LHPP: variants seen among roughly 807,000 people sequenced by gnomAD.
LHPP encodes the protein hLHPP.
LHPP carries 24 observed loss-of-function variants against 30.3 expected under a neutral mutation model. The ratio of observed to expected loss-of-function variants is 0.79; its 90% CI spans 0.57 to 1.11. The LOEUF (loss-of-function observed/expected upper bound fraction) is 1.11. Among genes scored for constraint, LHPP ranks in the 50% most tolerant of loss-of-function variants. The probability of loss-of-function intolerance (pLI) is 0.00; values close to 1 mark genes in which losing one functional copy is unlikely to be tolerated. For synonymous variants in LHPP, 150 were observed against 157.1 expected (o/e 0.95, Z 0.34); for missense variants, 356 against 367.2 (o/e 0.97, Z 0.25).
At chr10:124,530,098 G>C (rs1246161909) in intron 6 of LHPP, among the ~76,000 whole-genome samples, 1 of 152,100 alleles carries the variant, frequency 6.6e-6, no homozygotes. Context: ...GGGGAGGGAG[G>C]AACCTGGTGA....
At chr10:124,572,684 AGGGAGGG>A (rs1398770229) in intron 6 of LHPP, among the ~76,000 whole-genome samples, 6 of 133,970 alleles carry the variant, frequency 4.5e-5, no homozygotes, top group Non-Finnish European at 7.8e-5. Context: ...AAAAGAAGGA[AGGGAGGG>A]AGGAAGGAAG....
chr10:124,495,581 C>G (rs1355758142), intron 3 of LHPP, among the ~76,000 whole-genome samples: 1 of 152,130 alleles, frequency 6.6e-6, no homozygotes, highest in Non-Finnish European at 1.5e-5. Context: ...GCAGGGTGCC[C>G]AGGAGTGGCG....
chr10:124,512,050 G>A (rs978577459), intron 5 of LHPP, among the ~76,000 whole-genome samples: 3 of 152,152 alleles, frequency 2.0e-5, no homozygotes, highest in Admixed American at 6.5e-5. Flanking sequence ...ACAGCCTCCT[G>A]TGTGTTATCC....
chr10:124,538,201 T>TCACCATGC (rs1245099281), intron 6 of LHPP, among the ~76,000 whole-genome samples: 5 of 10,698 alleles, frequency 4.7e-4, no homozygotes, highest in African/African-American at 2.2e-3. Flanking sequence ...GGTCACCATG[T>TCACCATGC]GGGGTCACCA....
At chr10:124,528,193 G>T (rs1954794077) in intron 6 of LHPP, among the ~76,000 whole-genome samples, 1 of 152,140 alleles carries the variant, frequency 6.6e-6, no homozygotes, top group South Asian at 2.1e-4. Context: ...CTCCCGTATG[G>T]CATATTTCCC....
intron 6 of LHPP, among the ~76,000 whole-genome samples, chr10:124,598,735 C>A (rs1170018363): frequency 1.3e-5 from 2 of 151,590 alleles, no homozygotes; most frequent in African/African-American, 4.9e-5. Context: ...ACCTGTTCAT[C>A]CCCATCCATC....
intron 6 of LHPP, among the ~76,000 whole-genome samples, chr10:124,565,326 C>T (rs1948470885): frequency 6.6e-6 from 1 of 152,134 alleles, no homozygotes; most frequent in Non-Finnish European, 1.5e-5. Flanking sequence ...AAGAGCTGGT[C>T]TCCTTTGCCA....
At position 124,526,201 on chromosome 10, in the gene LHPP, G is replaced by A. The variant is rs975071904; in HGVS notation, c.716+8930G>A. 9.1e-6 allele frequency: 9 copies of A among 985,226 alleles called. No homozygotes were observed. The South Asian group carries it at 1.4e-4, about 15-fold the overall frequency. 61.0% of individuals were successfully genotyped at this position (985,226 alleles called of 1,614,324 possible). On this transcript the variant is annotated intron_variant, in intron 6 of 6. Transcript: ENST00000368842. ...CGTGCTCTGGACCTGGTGCTCACACGTGCTCTTCTCCCAAGACACTCCCTG... is the reference window on the plus strand; with the variant it reads ...CGTGCTCTGGACCTGGTGCTCACACATGCTCTTCTCCCAAGACACTCCCTG...
chr10:124,505,625 C>T (rs903835125), intron 5 of LHPP, among the ~76,000 whole-genome samples: 4 of 152,194 alleles, frequency 2.6e-5, no homozygotes, highest in African/African-American at 9.6e-5. Context: ...AGTAATAAGG[C>T]AAAGAATAAC....
rs1948493876 is a variant in LHPP, at chr10:124,566,583, T to C, written c.717-46681T>C. On this transcript the variant is annotated intron_variant, in intron 6 of 6. Coordinates refer to ENST00000368842, the MANE Select transcript of LHPP (RefSeq NM_022126.4). ...GGCCACGGTGGAAGTATTTACACCA[T>C]GGAAGTTGGCAAATGCACGGACCCA... 2.0e-5 allele frequency among the ~76,000 whole-genome samples: 3 copies of C among 152,188 alleles called. No individual in the cohort carries two copies. The South Asian group carries it at 6.2e-4, about 32-fold the overall frequency.
chr10:124,604,814 C>T (rs1320130117), intron 6 of LHPP, among the ~76,000 whole-genome samples: 1 of 152,242 alleles, frequency 6.6e-6, no homozygotes, highest in African/African-American at 2.4e-5. Flanking sequence ...CAAATGGGGA[C>T]AGGGATACCT....
chr10:124,502,192 G>C lies in LHPP; in HGVS notation c.624+4064G>C, dbSNP rs1953923707. On this transcript the variant is annotated intron_variant, in intron 5 of 6. Coordinates refer to ENST00000368842, the MANE Select transcript of LHPP (RefSeq NM_022126.4). ...AATCAACACTGGCACAAGGCGGTTA[G>C]CTAACCTAGAGAGCTTATTCAGACA... Among the ~76,000 whole-genome samples the C allele has an allele frequency of 2.6e-5, 4 of 151,910 alleles. No individual in the cohort carries two copies. In the South Asian group the frequency reaches 8.3e-4, roughly 31 times the overall value.
At chr10:124,519,681 C>A (rs892125756) in intron 6 of LHPP, among the ~76,000 whole-genome samples, 1 of 152,164 alleles carries the variant, frequency 6.6e-6, no homozygotes, top group Non-Finnish European at 1.5e-5. Context: ...TAAGTGAGAA[C>A]ATACAGTGTT....
chr10:124,613,204 G>GGT, intron 6 of LHPP, 60 bp from the exon 7 acceptor site: 2 of 1,242,042 alleles, frequency 1.6e-6, no homozygotes, highest in South Asian at 2.4e-5. Context: ...TGGGAGGGTG[G>GGT]GTGTGGCTGC....
At chr10:124,599,246 C>T (rs1948992154) in intron 6 of LHPP, among the ~76,000 whole-genome samples, 1 of 152,148 alleles carries the variant, frequency 6.6e-6, no homozygotes, top group East Asian at 1.9e-4. Context: ...CCTGTGCATG[C>T]ATCATCCTTC....
chr10:124,544,937 G>T (rs1955296687), intron 6 of LHPP, among the ~76,000 whole-genome samples: 1 of 152,226 alleles, frequency 6.6e-6, no homozygotes, highest in African/African-American at 2.4e-5. Flanking sequence ...GGGCGGCCTG[G>T]GTTGGGCTTC....
At chr10:124,521,073 T>G (rs947073995) in intron 6 of LHPP, among the ~76,000 whole-genome samples, 4 of 152,140 alleles carry the variant, frequency 2.6e-5, no homozygotes, top group African/African-American at 9.7e-5. Context: ...CCCTTCTCCC[T>G]CCAGATGGTA....
chr10:124,601,669 G>A (rs1356667421), intron 6 of LHPP, among the ~76,000 whole-genome samples: 1 of 152,242 alleles, frequency 6.6e-6, no homozygotes, highest in Admixed American at 6.5e-5. Flanking sequence ...GGTTGACAGA[G>A]TGCCACCTGG....
At chr10:124,551,838 C>T (rs181739205) in intron 6 of LHPP, among the ~76,000 whole-genome samples, 28 of 152,254 alleles carry the variant, frequency 1.8e-4, no homozygotes, top group Admixed American at 7.2e-4. Flanking sequence ...CCTCTGACCT[C>T]GCTCCAGCCT....
Sources: allele counts gnomAD v4.1 joint callset (sites outside exome capture counted in the v4.1 genomes callset), GRCh38; gene constraint gnomAD v4.1.1; transcripts MANE v1.5; gene names NCBI Gene and HGNC (gene_info 2026-07-23, HGNC 2026-07-21).